Variants in SGCD observed in about 807,000 individuals in gnomAD.
SGCD encodes delta-sarcoglycan.
Under a neutral mutation model 36.6 loss-of-function variants are expected in SGCD, and 18 were observed. That is an observed-to-expected ratio of 0.49 (90% CI 0.34 to 0.73). SGCD has a LOEUF of 0.73. SGCD is among the 30% of genes least tolerant of loss of function. The pLI is 0.01. For missense variants in SGCD, 387 were observed against 346.7 expected (o/e 1.12, Z -0.92); for synonymous variants, 133 against 130.6 (o/e 1.02, Z -0.12).
At chr5:156,757,956 A>AAAAT in intron 8 of SGCD, 1 of 1,260,516 alleles carries the variant, frequency 7.9e-7, no homozygotes, top group Non-Finnish European at 1.0e-6. Context: ...TATGACCATG[A>AAAAT]AAATGAATGC....
At chr5:156,538,497 T>C (rs1469898506) in intron 4 of SGCD, among the ~76,000 whole-genome samples, 1 of 152,174 alleles carries the variant, frequency 6.6e-6, no homozygotes, top group African/African-American at 2.4e-5. Flanking sequence ...CCCAGAGCTC[T>C]ATGATTGCTC....
upstream of SGCD, among the ~76,000 whole-genome samples, chr5:155,868,261 AG>A (rs1157343924): frequency 6.6e-6 from 1 of 151,738 alleles, no homozygotes; most frequent in Admixed American, 6.6e-5. Context: ...CATGTTGCCC[AG>A]GTTGGTCTCA....
chr5:155,842,065 ACT>A, the SGCD span, among the ~76,000 whole-genome samples: 1 of 152,086 alleles, frequency 6.6e-6, no homozygotes. Flanking sequence ...GCTTTGAAAG[ACT>A]CAGCTTGAAA....
At chr5:156,058,352 G>C (rs1760111820) in intron 1 of SGCD, among the ~76,000 whole-genome samples, 1 of 146,410 alleles carries the variant, frequency 6.8e-6, no homozygotes, top group African/African-American at 2.5e-5. Context: ...GAGGGAGTGG[G>C]ATACCTCACA....
chr5:156,189,476 A>G (rs1763838139), intron 3 of SGCD, among the ~76,000 whole-genome samples: 1 of 152,218 alleles, frequency 6.6e-6, no homozygotes, highest in Admixed American at 6.5e-5. Context: ...CAGATATGAA[A>G]TGAGAGTTAG....
chr5:156,311,870 G>A (rs1767397513), intron 3 of SGCD, among the ~76,000 whole-genome samples: 1 of 152,176 alleles, frequency 6.6e-6, no homozygotes, highest in Non-Finnish European at 1.5e-5. Flanking sequence ...CATGTTTGCT[G>A]ACATCATGTT....
chr5:155,885,291 A>G lies in SGCD; in HGVS notation c.-282+14867A>G, dbSNP rs1755974948. Among the ~76,000 whole-genome samples, 3 of 115,934 alleles carry G rather than the reference A, an allele frequency of 2.6e-5. 1 individual carries two copies. The highest frequency in any genetic ancestry group is 4.9e-5 in the Non-Finnish European group (3 of 60,610). The allele number at this position is 115,934 out of a possible 152,430, so 76.1% of individuals were successfully genotyped here. The stretch of plus-strand genomic sequence containing the variant: ...TAAGTTCACAGCTTAGTATGGCCAA[A>G]CAGATATTGATGTAACATATGCATT... On this transcript the variant is annotated intron_variant, in intron 1 of 9. Coordinates refer to the SGCD transcript ENST00000517913.
intron 7 of SGCD, among the ~76,000 whole-genome samples, chr5:156,736,177 T>C (rs1756353991): frequency 1.3e-5 from 2 of 152,142 alleles, no homozygotes; most frequent in African/African-American, 4.8e-5. Flanking sequence ...GGCAGTGCTG[T>C]ATTTACTTGC....
At chr5:156,597,571 G>C (rs1760980226) in intron 6 of SGCD, among the ~76,000 whole-genome samples, 1 of 152,134 alleles carries the variant, frequency 6.6e-6, no homozygotes. Flanking sequence ...TGGGTTCATG[G>C]GACTATGGTT....
chr5:156,717,850 A>G (rs904728541), intron 7 of SGCD, among the ~76,000 whole-genome samples: 2 of 151,584 alleles, frequency 1.3e-5, no homozygotes, highest in Non-Finnish European at 1.5e-5. Flanking sequence ...GCTCCTGCCC[A>G]CATTTTCCCT....
chr5:156,357,018 A>T (rs1018721966), intron 3 of SGCD, among the ~76,000 whole-genome samples: 1 of 152,204 alleles, frequency 6.6e-6, no homozygotes, highest in Non-Finnish European at 1.5e-5. Context: ...GAAAATTTAT[A>T]TTGTTTTAAG....
At chr5:156,736,481 G>C (rs1265922263) in intron 7 of SGCD, among the ~76,000 whole-genome samples, 1 of 145,732 alleles carries the variant, frequency 6.9e-6, no homozygotes, top group Admixed American at 6.6e-5. Flanking sequence ...GAACAGAAGA[G>C]ATTTCCATAA....
intron 3 of SGCD, among the ~76,000 whole-genome samples, chr5:156,182,363 G>A (rs1233806636): frequency 6.6e-6 from 1 of 152,218 alleles, no homozygotes; most frequent in African/African-American, 2.4e-5. Flanking sequence ...GGCCAAGGTG[G>A]GTGGATCACT....
intron 7 of SGCD, among the ~76,000 whole-genome samples, chr5:156,710,755 A>G (rs989455269): frequency 1.3e-5 from 2 of 152,200 alleles, no homozygotes; most frequent in African/African-American, 4.8e-5. Context: ...TACAATGTAG[A>G]TGAAGTCTCA....
At chr5:155,898,319 T>A (rs1756314185) in intron 1 of SGCD, among the ~76,000 whole-genome samples, 3 of 152,212 alleles carry the variant, frequency 2.0e-5, no homozygotes, top group African/African-American at 7.2e-5. Flanking sequence ...TGAACAGTAC[T>A]CCAGAACTCA....
chr5:156,524,147 T>C (rs1446601111), intron 4 of SGCD, among the ~76,000 whole-genome samples: 10 of 92,022 alleles, frequency 1.1e-4, no homozygotes, highest in Admixed American at 2.4e-4. Context: ...TATATATATA[T>C]GGTTTTACAT....
chr5:156,526,199 G>A (rs991001458), intron 4 of SGCD, among the ~76,000 whole-genome samples: 3 of 152,066 alleles, frequency 2.0e-5, no homozygotes, highest in Non-Finnish European at 4.4e-5. Context: ...CTTAAGCTGG[G>A]GAAGGAGGGA....
At chr5:156,598,643 A>C (rs1309019748) in intron 6 of SGCD, among the ~76,000 whole-genome samples, 1 of 152,248 alleles carries the variant, frequency 6.6e-6, no homozygotes, top group Non-Finnish European at 1.5e-5. Flanking sequence ...CATTCTATGC[A>C]AGTGAATTTG....
chr5:156,029,074 C>G (rs564067581), intron 1 of SGCD, among the ~76,000 whole-genome samples: 2 of 152,098 alleles, frequency 1.3e-5, no homozygotes, highest in South Asian at 4.1e-4. Flanking sequence ...TAATTAAGGT[C>G]ACCATTCTCA....
Sources: gnomAD v4.1 joint callset for allele counts (sites outside exome capture counted in the v4.1 genomes callset) on GRCh38, gnomAD v4.1.1 for gene constraint, MANE v1.5 for transcripts, NCBI Gene and HGNC (gene_info 2026-07-23, HGNC 2026-07-21) for gene names.